The following FLT1 variants were observed in gnomAD, a reference collection of about 807,000 sequenced individuals.
FLT1 encodes the protein vascular endothelial growth factor receptor 1.
A neutral mutation model predicts 156.3 loss-of-function variants in FLT1; 49 were observed. The observed-to-expected ratio is 0.31, with a 90% confidence interval of 0.25 to 0.40. The LOEUF (loss-of-function observed/expected upper bound fraction) is 0.40. Ranked by LOEUF, FLT1 falls within the 10% of genes least tolerant of loss-of-function variation. FLT1 has a pLI of 1.00. For missense variants in FLT1, 1,322 were observed against 1,637.2 expected (o/e 0.81, Z 3.32); for synonymous variants, 594 against 583.8 (o/e 1.02, Z -0.25).
intron 10 of FLT1, 135 bp from the exon 11 acceptor site, chr13:28,406,029 A>G: frequency 1.5e-6 from 1 of 673,140 alleles, no homozygotes; most frequent in Admixed American, 2.3e-5. Flanking sequence ...TTTTCCTTAG[A>G]TTTTTTCCTA....
intron 4 of FLT1, among the ~76,000 whole-genome samples, chr13:28,437,634 T>C (rs993950480): frequency 6.6e-6 from 1 of 152,230 alleles, no homozygotes; most frequent in South Asian, 2.1e-4. Flanking sequence ...CTAAATCTTT[T>C]ACCTTTCCAT....
rs550856099 is a variant in FLT1 at position 28,368,367 on chromosome 13, G to A, written c.2117-10682C>T. 3.2e-5 allele frequency: 31 copies of A among 976,756 alleles called. No individual in the cohort carries two copies. In the South Asian group the frequency reaches 5.2e-4, roughly 16 times the overall value. 60.5% of individuals were successfully genotyped at this position (976,756 alleles called of 1,614,324 possible). Reference sequence around the variant, plus strand: ...GCATTTCACCATCTTGGTCAGGCTGGTCTTGAACTCCTGACCTCAAATGAT... The same window carrying A: ...GCATTTCACCATCTTGGTCAGGCTGATCTTGAACTCCTGACCTCAAATGAT... On this transcript the variant is annotated intron_variant, in intron 14 of 29. Transcript: ENST00000282397.
At chr13:28,482,110 A>G (rs796242101) in intron 1 of FLT1, among the ~76,000 whole-genome samples, 4 of 152,314 alleles carry the variant, frequency 2.6e-5, no homozygotes, top group African/African-American at 7.2e-5. Context: ...CGGGATCAGG[A>G]GAATTAAATT....
At chr13:28,382,990 C>G (rs1370284134) in intron 14 of FLT1, among the ~76,000 whole-genome samples, 1 of 152,104 alleles carries the variant, frequency 6.6e-6, no homozygotes, top group Non-Finnish European at 1.5e-5. Flanking sequence ...TTAAGGACTA[C>G]TCCATATTGC....
chr13:28,319,064 G>T (rs1003540375), intron 24 of FLT1, among the ~76,000 whole-genome samples: 17 of 152,186 alleles, frequency 1.1e-4, no homozygotes, highest in Non-Finnish European at 2.4e-4. Context: ...GAGACGCGGG[G>T]AGGGAAGCGG....
chr13:28,411,546 CAAAAAAAA>C (rs71086852), intron 10 of FLT1, among the ~76,000 whole-genome samples: 3 of 84,748 alleles, frequency 3.5e-5, no homozygotes, highest in Non-Finnish European at 7.0e-5. Context: ...AACTCCATCT[CAAAAAAAA>C]AAAAAAAAAA....
rs1343288015 is a variant in FLT1, at chr13:28,327,649, T to A, written c.2708-99A>T. Reference sequence around the variant, plus strand: ...CTGAGAAACCTCAAACCAACCAGCCTTTGTATTAGTGGGGCGAAGGGATGC... The same window carrying A: ...CTGAGAAACCTCAAACCAACCAGCCATTGTATTAGTGGGGCGAAGGGATGC... On this transcript the variant is annotated intron_variant, in intron 19 of 29. Transcript: ENST00000282397. 3.4e-5 allele frequency: 27 copies of A among 794,682 alleles called. No individual in the cohort carries two copies. The East Asian group carries it at 6.8e-4, about 20-fold the overall frequency. The allele number at this position is 794,682 out of a possible 1,614,324, so 49.2% of individuals were successfully genotyped here.
At chr13:28,407,093 C>G (rs923991204) in intron 10 of FLT1, among the ~76,000 whole-genome samples, 1 of 152,168 alleles carries the variant, frequency 6.6e-6, no homozygotes, top group African/African-American at 2.4e-5. Flanking sequence ...GCTGGGCCAA[C>G]AGCTACAGGA....
chr13:28,340,085 C>T (rs1872272011), intron 16 of FLT1, among the ~76,000 whole-genome samples: 1 of 152,036 alleles, frequency 6.6e-6, no homozygotes, highest in Non-Finnish European at 1.5e-5. Flanking sequence ...TGTGGTGGTA[C>T]ACACCTGTAG....
chr13:28,354,713 G>A (rs938087410), intron 15 of FLT1, among the ~76,000 whole-genome samples: 7 of 151,914 alleles, frequency 4.6e-5, no homozygotes, highest in Admixed American at 2.0e-4. Flanking sequence ...ATAAAAGAGA[G>A]CAAAGGAGAA....
chr13:28,330,075 C>A (rs763894474), intron 18 of FLT1, among the ~76,000 whole-genome samples: 12 of 152,254 alleles, frequency 7.9e-5, no homozygotes, highest in Non-Finnish European at 1.3e-4. Flanking sequence ...CAGCAAGAAC[C>A]CACCAGGCAG....
In FLT1 at chr13:28,357,868, C is replaced by CTTTTTTTT. The variant is rs57304530; in HGVS notation, c.2117-191_2117-184dup. Among the ~76,000 whole-genome samples the CTTTTTTTT allele has an allele frequency of 2.0e-3, 210 of 104,708 alleles. 9 individuals are homozygous for CTTTTTTTT. Among genetic ancestry groups the CTTTTTTTT allele is most frequent in the African/African-American group, 7.6e-3 (205 of 26,956 alleles). The allele number at this position is 104,708 out of a possible 152,430, so 68.7% of individuals were successfully genotyped here. On this transcript the variant is annotated intron_variant, in intron 14 of 29. Transcript: ENST00000282397. ...CCAGGCTTTCTTTTTCTTTTCTTTC[C>CTTTTTTTT]TTTTTTTTTTTTTTTTTTTTTCTGC...
intron 14 of FLT1, among the ~76,000 whole-genome samples, chr13:28,370,871 C>T (rs1873528376): frequency 6.6e-6 from 1 of 152,186 alleles, no homozygotes; most frequent in Non-Finnish European, 1.5e-5. Flanking sequence ...CAGTCACCTA[C>T]AGGGCTTTTT....
In FLT1 at chr13:28,333,790, A is replaced by G. The variant is rs189265051; in HGVS notation, c.2593+235T>C. On this transcript the variant is annotated intron_variant, in intron 18 of 29. Coordinates refer to ENST00000282397, the MANE Select transcript of FLT1 (RefSeq NM_002019.4). The stretch of plus-strand genomic sequence containing the variant: ...AGATGAGAAAGACCTTTGAGGTGAC[A>G]GAGATCATTTTCCTATGGACAGTGC... Among the ~76,000 whole-genome samples the G allele has an allele frequency of 4.6e-5, 7 of 152,316 alleles. No individual in the cohort carries two copies. In the East Asian group the frequency reaches 1.4e-3, roughly 29 times the overall value.
chr13:28,325,816 CAAAAAAAAA>C (rs377427677), intron 20 of FLT1, among the ~76,000 whole-genome samples: 5 of 71,168 alleles, frequency 7.0e-5, no homozygotes, highest in African/African-American at 1.1e-4. Flanking sequence ...AACTCTGTCT[CAAAAAAAAA>C]AAAAAAAAAA....
rs1458449922 is a variant in FLT1 at position 28,329,821 on chromosome 13, C to T, written c.2594-93G>A. 3 of 1,016,140 alleles carry T rather than the reference C, an allele frequency of 3.0e-6. No homozygotes were observed. In the South Asian group the frequency reaches 4.1e-5, roughly 14 times the overall value. 62.9% of individuals were successfully genotyped at this position (1,016,140 alleles called of 1,614,324 possible). ...CTTGCCCTCCTTGTTTGTCAATGCT[C>T]AGCCGGTTGCTTCACTAACTTCCCC... is the stretch of plus-strand genomic sequence containing the variant. On this transcript the variant is annotated intron_variant, in intron 18 of 29. Transcript: ENST00000282397.
chr13:28,381,252 G>A (rs1272876988), intron 14 of FLT1, among the ~76,000 whole-genome samples: 2 of 152,090 alleles, frequency 1.3e-5, no homozygotes, highest in African/African-American at 4.8e-5. Context: ...GTAAGTTTGA[G>A]GAATACAGAA....
intron 3 of FLT1, among the ~76,000 whole-genome samples, chr13:28,440,693 G>A (rs1878289508): frequency 6.6e-6 from 1 of 152,154 alleles, no homozygotes; most frequent in Non-Finnish European, 1.5e-5. Context: ...CTGTGGTCCT[G>A]TGTAACTGTG....
intron 13 of FLT1, 169 bp downstream of exon 13, chr13:28,389,627 C>T: frequency 6.8e-7 from 1 of 1,473,850 alleles, no homozygotes; most frequent in Non-Finnish European, 9.0e-7. Context: ...AGCATCTCCT[C>T]CGAGCCTGAA....
Sources: gnomAD v4.1 joint callset for allele counts (sites outside exome capture counted in the v4.1 genomes callset) on GRCh38, gnomAD v4.1.1 for gene constraint, MANE v1.5 for transcripts, NCBI Gene and HGNC (gene_info 2026-07-23, HGNC 2026-07-21) for gene names.